Variants in UBR3 observed in about 807,000 individuals in gnomAD.
The protein encoded by UBR3 is ubiquitin protein ligase E3 component n-recognin 3, also known as E3 ubiquitin-protein ligase UBR3.
In UBR3, 85 loss-of-function variants were observed where a neutral mutation model predicts 243.2. That is an observed-to-expected ratio of 0.35 (90% CI 0.29 to 0.42). UBR3 has a LOEUF of 0.42. Ranked by LOEUF, UBR3 falls within the 10% of genes least tolerant of loss-of-function variation. The pLI is 1.00. For synonymous variants in UBR3, 748 were observed against 799.8 expected (o/e 0.94, Z 1.09); for missense variants, 1,686 against 2,300.8 (o/e 0.73, Z 5.47).
At chr2:169,942,882 T>A (rs1377344331) in intron 20 of UBR3, among the ~76,000 whole-genome samples, 1 of 152,222 alleles carries the variant, frequency 6.6e-6, no homozygotes, top group Admixed American at 6.5e-5. Context: ...TATTTATGGA[T>A]TCTGTAGAAC....
chr2:169,926,180 A>G (rs143177726), intron 14 of UBR3, among the ~76,000 whole-genome samples: 9 of 152,290 alleles, frequency 5.9e-5, no homozygotes, highest in African/African-American at 2.2e-4. Context: ...CATGACAGGC[A>G]TTTTCCCAAG....
chr2:169,921,978 G>C (rs1392002861), intron 11 of UBR3, among the ~76,000 whole-genome samples: 2 of 151,834 alleles, frequency 1.3e-5, no homozygotes, highest in African/African-American at 4.8e-5. Context: ...GGGACAGTGC[G>C]AGACTCAAAA....
intron 24 of UBR3, among the ~76,000 whole-genome samples, chr2:169,984,885 G>A (rs186827193): frequency 1.4e-3 from 216 of 152,192 alleles, no homozygotes; most frequent in Non-Finnish European, 2.4e-3. Context: ...CATTGGTACT[G>A]TATCACCATT....
intron 18 of UBR3, among the ~76,000 whole-genome samples, chr2:169,930,282 G>T (rs2086070723): frequency 6.6e-6 from 1 of 152,082 alleles, no homozygotes; most frequent in South Asian, 2.1e-4. Flanking sequence ...TGCTGAGATG[G>T]AATACTGGGC....
At chr2:169,842,172 C>A (rs1574021611) in intron 1 of UBR3, among the ~76,000 whole-genome samples, 1 of 152,078 alleles carries the variant, frequency 6.6e-6, no homozygotes, top group Non-Finnish European at 1.5e-5. Flanking sequence ...TGTAAATACA[C>A]CAATCAGCAC....
chr2:169,902,614 T>A (rs1228543741), intron 8 of UBR3, among the ~76,000 whole-genome samples: 1 of 2,776 alleles, frequency 3.6e-4, no homozygotes, highest in African/African-American at 1.0e-3. Flanking sequence ...CAGGAGAGTC[T>A]TTTTTTTTTT....
intron 24 of UBR3, among the ~76,000 whole-genome samples, chr2:169,961,223 C>G (rs1317321168): frequency 6.6e-6 from 1 of 152,074 alleles, no homozygotes; most frequent in Non-Finnish European, 1.5e-5. Context: ...GTTCTCCAGG[C>G]ATGCCTTATA....
At chr2:170,007,540 T>G (rs986541366) in intron 28 of UBR3, among the ~76,000 whole-genome samples, 2 of 152,000 alleles carry the variant, frequency 1.3e-5, no homozygotes, top group Non-Finnish European at 2.9e-5. Flanking sequence ...GACAGATAAC[T>G]TAAGGTCAGG....
chr2:169,843,943 T>C (rs1252640652), intron 1 of UBR3, among the ~76,000 whole-genome samples: 1 of 152,202 alleles, frequency 6.6e-6, no homozygotes, highest in Non-Finnish European at 1.5e-5. Flanking sequence ...TTGGAAGCTT[T>C]TTAGCTGTAA....
intron 19 of UBR3, among the ~76,000 whole-genome samples, chr2:169,940,144 C>G (rs2086523784): frequency 6.6e-6 from 1 of 152,034 alleles, no homozygotes; most frequent in Non-Finnish European, 1.5e-5. Context: ...AAACATTTAT[C>G]TTCTTTTTAT....
chr2:169,922,970 G>A (rs1034835531), intron 11 of UBR3, among the ~76,000 whole-genome samples: 2 of 151,878 alleles, frequency 1.3e-5, no homozygotes, highest in African/African-American at 4.8e-5. Context: ...CTGAATGTCC[G>A]GGATAAACAT....
At chr2:169,987,739 G>GA (rs1172149883) in intron 25 of UBR3, among the ~76,000 whole-genome samples, 5 of 151,762 alleles carry the variant, frequency 3.3e-5, no homozygotes, top group East Asian at 3.9e-4. Context: ...AAAATAAAGA[G>GA]AAAAAAAATT....
intron 31 of UBR3, among the ~76,000 whole-genome samples, chr2:170,031,762 G>A (rs2090677943): frequency 6.6e-6 from 1 of 152,094 alleles, no homozygotes; most frequent in African/African-American, 2.4e-5. Context: ...ACTTATAAGT[G>A]AGAACGTGCA....
intron 1 of UBR3, among the ~76,000 whole-genome samples, chr2:169,865,699 T>G (rs1233020248): frequency 1.3e-5 from 2 of 152,236 alleles, no homozygotes; most frequent in Admixed American, 6.5e-5. Context: ...TCCTTCAGTT[T>G]CATGCCCAAT....
Position 169,924,440 on chromosome 2 carries a change from C to A in UBR3, c.2022+267C>A, listed in dbSNP as rs75401680. 5.3e-4 allele frequency among the ~76,000 whole-genome samples: 81 copies of A among 152,154 alleles called. 2 individuals are homozygous for A. The East Asian group carries it at 0.015, about 29-fold the overall frequency. On this transcript the variant is annotated intron_variant, in intron 13 of 38. Transcript: ENST00000272793. Reference sequence around the variant, plus strand: ...TACTATATAGCACTGTTTTGGGAGTCAGGAGATCCAAAAGATTCTAGCCTT... The same window carrying A: ...TACTATATAGCACTGTTTTGGGAGTAAGGAGATCCAAAAGATTCTAGCCTT...
chr2:169,882,335 A>G (rs1396927633), intron 5 of UBR3, among the ~76,000 whole-genome samples: 1 of 137,936 alleles, frequency 7.2e-6, no homozygotes, highest in Non-Finnish European at 1.5e-5. Context: ...TATATGTATT[A>G]TATAATATAT....
At chr2:169,908,370 A>T (rs1161767787) in intron 10 of UBR3, among the ~76,000 whole-genome samples, 1 of 152,200 alleles carries the variant, frequency 6.6e-6, no homozygotes, top group African/African-American at 2.4e-5. Flanking sequence ...AGACTCAGAT[A>T]TATAATCTAC....
chr2:169,881,965 T>TAC lies in UBR3; in HGVS notation c.1038+3392_1038+3393insCA, dbSNP rs566008423. On this transcript the variant is annotated intron_variant, in intron 5 of 38. Transcript: ENST00000272793. ...AATTACATATGTATGTATACATACA[T>TAC]ATGTAATTATATTATATATGTATAT... is the stretch of plus-strand genomic sequence containing the variant. 4.9e-4 allele frequency among the ~76,000 whole-genome samples: 47 copies of TAC among 96,858 alleles called. No homozygotes were observed. The South Asian group carries it at 8.6e-3, about 18-fold the overall frequency. The allele number at this position is 96,858 out of a possible 152,430, so 63.5% of individuals were successfully genotyped here.
intron 27 of UBR3, among the ~76,000 whole-genome samples, chr2:170,003,701 C>T (rs1473788001): frequency 2.6e-5 from 4 of 151,990 alleles, no homozygotes; most frequent in Non-Finnish European, 4.4e-5. Context: ...AGTGCAGTGG[C>T]GCGATCTCGG....
Sources: gnomAD v4.1 joint callset for allele counts (sites outside exome capture counted in the v4.1 genomes callset) on GRCh38, gnomAD v4.1.1 for gene constraint, MANE v1.5 for transcripts, NCBI Gene and HGNC (gene_info 2026-07-23, HGNC 2026-07-21) for gene names.